Variants in SAMMSON observed in about 807,000 individuals in gnomAD.
The protein encoded by SAMMSON is survival associated mitochondrial melanoma specific oncogenic non-coding RNA, also known as long intergenic non-protein coding RNA 1212.
At chr3:70,340,905 G>A (rs1377945080) in intron 7 of SAMMSON, among the ~76,000 whole-genome samples, 1 of 152,062 alleles carries the variant, frequency 6.6e-6, no homozygotes, top group African/African-American at 2.4e-5. Context: ...ATCAAAGCTA[G>A]GGTCATTTGG....
At chr3:70,025,645 A>G (rs890779611) in intron 3 of SAMMSON, among the ~76,000 whole-genome samples, 2 of 152,218 alleles carry the variant, frequency 1.3e-5, no homozygotes, top group African/African-American at 2.4e-5. Context: ...CTTGAACAAC[A>G]TGGGAGTTTG....
intron 4 of SAMMSON, among the ~76,000 whole-genome samples, chr3:70,211,283 GCCCTT>G (rs1245536524): frequency 4.1e-5 from 5 of 121,148 alleles, no homozygotes; most frequent in African/African-American, 1.3e-4. Flanking sequence ...CCTTCCCTTT[GCCCTT>G]CCCTTCCCTT....
intron 6 of SAMMSON, among the ~76,000 whole-genome samples, chr3:70,273,282 C>T (rs1311513705): frequency 1.3e-5 from 2 of 152,176 alleles, no homozygotes; most frequent in Non-Finnish European, 2.9e-5. Context: ...TTAGTCGACT[C>T]AACAATTTCT....
chr3:70,144,816 C>T (rs1473580625), intron 4 of SAMMSON, among the ~76,000 whole-genome samples: 1 of 152,168 alleles, frequency 6.6e-6, no homozygotes. Context: ...TAAGATGTGA[C>T]TTGCTCCTCC....
chr3:70,338,313 G>A (rs998786983), intron 7 of SAMMSON, among the ~76,000 whole-genome samples: 2 of 151,604 alleles, frequency 1.3e-5, no homozygotes, highest in African/African-American at 4.8e-5. Flanking sequence ...AAAGCAAACA[G>A]GAGGATAATG....
At chr3:70,355,741 G>A (rs766703844) in intron 8 of SAMMSON, among the ~76,000 whole-genome samples, 15 of 152,136 alleles carry the variant, frequency 9.9e-5, no homozygotes, top group Non-Finnish European at 2.1e-4. Context: ...ATACTCTACA[G>A]ATTAAAAGTA....
chr3:70,432,611 T>C (rs1436537204), intron 2 of SAMMSON, among the ~76,000 whole-genome samples: 2 of 151,970 alleles, frequency 1.3e-5, no homozygotes, highest in African/African-American at 4.8e-5. Flanking sequence ...TAACACCTTG[T>C]GTTAGTATGG....
At chr3:70,059,913 G>A (rs2067181458) in intron 3 of SAMMSON, among the ~76,000 whole-genome samples, 1 of 152,080 alleles carries the variant, frequency 6.6e-6, no homozygotes. Context: ...ATAAAAAGTT[G>A]AAGAAGACAG....
intron 7 of SAMMSON, among the ~76,000 whole-genome samples, chr3:70,327,270 C>A (rs1253055920): frequency 6.6e-6 from 1 of 152,154 alleles, no homozygotes; most frequent in African/African-American, 2.4e-5. Flanking sequence ...CCACCATAAA[C>A]AACTTAAAAC....
intron 3 of SAMMSON, among the ~76,000 whole-genome samples, chr3:70,033,396 A>T (rs941156970): frequency 6.6e-6 from 1 of 151,998 alleles, no homozygotes; most frequent in Admixed American, 6.6e-5. Context: ...TTCATGGTGT[A>T]TGTGGGCAGA....
chr3:70,358,124 T>C (rs1291436826), intron 8 of SAMMSON: 2 of 152,148 alleles, frequency 1.3e-5, no homozygotes, highest in African/African-American at 4.8e-5. Flanking sequence ...ATAAAGTATA[T>C]TGACTTATAA....
intron 7 of SAMMSON, among the ~76,000 whole-genome samples, chr3:70,309,990 G>A (rs9880142): frequency 0.39 from 59,961 of 151,936 alleles, 12,260 homozygotes; most frequent in South Asian, 0.56. Flanking sequence ...CTGTAGCACA[G>A]AGTAATTAAA....
chr3:70,017,976 T>A (rs2066993262), intron 3 of SAMMSON, among the ~76,000 whole-genome samples: 1 of 152,168 alleles, frequency 6.6e-6, no homozygotes. Flanking sequence ...TGTTGCTGGA[T>A]TTGGTTTGCC....
At chr3:70,180,004 ATG>A (rs10555321) in intron 4 of SAMMSON, among the ~76,000 whole-genome samples, 120,205 of 148,052 alleles carry the variant, frequency 0.81, 49,132 homozygotes, top group African/African-American at 0.85. Context: ...TGTGCTTCGT[ATG>A]TGTGTGTGTG....
chr3:70,030,090 G>A (rs1482210813), intron 3 of SAMMSON, among the ~76,000 whole-genome samples: 1 of 152,178 alleles, frequency 6.6e-6, no homozygotes, highest in Non-Finnish European at 1.5e-5. Flanking sequence ...AAATTGGCAT[G>A]ACAATGTAAA....
At chr3:70,302,467 A>G (rs886620115) in intron 7 of SAMMSON, 2 of 152,154 alleles carry the variant, frequency 1.3e-5, no homozygotes, top group East Asian at 1.9e-4. Flanking sequence ...TCTCACTATA[A>G]GACTGCTCTT....
intron 4 of SAMMSON, among the ~76,000 whole-genome samples, chr3:70,244,392 G>A (rs1287689965): frequency 1.3e-5 from 2 of 152,154 alleles, no homozygotes; most frequent in East Asian, 1.9e-4. Flanking sequence ...TTATGGGCCT[G>A]TCAAAAGGGC....
rs1198538318 is a variant in SAMMSON, at chr3:70,029,460, A to G, written n.417+15788A>G. ...AAGTAGCATTATCTTTCTATTAATT[A>G]TCCCTTAATTTGGCGGGGCGTGGTA... On this transcript the variant is annotated intron_variant and non_coding_transcript_variant, in intron 3 of 9. Coordinates refer to ENST00000642114, the Ensembl canonical transcript of SAMMSON. Among the ~76,000 whole-genome samples, 6 of 152,094 alleles carry G rather than the reference A, an allele frequency of 3.9e-5. No individual in the cohort carries two copies. In the East Asian group the frequency reaches 9.7e-4, roughly 25 times the overall value.
At chr3:70,320,932 G>A (rs944584901) in intron 7 of SAMMSON, among the ~76,000 whole-genome samples, 1 of 152,128 alleles carries the variant, frequency 6.6e-6, no homozygotes, top group East Asian at 1.9e-4. Flanking sequence ...CATAATAATG[G>A]CATCTACTTC....
Sources: allele counts gnomAD v4.1 joint callset (sites outside exome capture counted in the v4.1 genomes callset), GRCh38; gene constraint gnomAD v4.1.1; transcripts MANE v1.5; gene names NCBI Gene and HGNC (gene_info 2026-07-23, HGNC 2026-07-21).